Variants in BCAP29 observed in about 807,000 individuals in gnomAD.
BCAP29 encodes the protein B cell receptor associated protein 29.
In BCAP29, 34 loss-of-function variants were observed where a neutral mutation model predicts 31.8. The observed-to-expected ratio is 1.07, with a 90% CI of 0.81 to 1.42. The LOEUF is 1.42. Ranked by LOEUF, BCAP29 falls within the 40% of genes most tolerant of loss-of-function variation. The pLI is 0.00. For missense variants in BCAP29, 314 were observed against 269.2 expected (o/e 1.17, Z -1.16); for synonymous variants, 104 against 91.3 (o/e 1.14, Z -0.79).
intron 6 of BCAP29, among the ~76,000 whole-genome samples, chr7:107,607,635 C>CT (rs57817003): frequency 2.7e-3 from 358 of 132,598 alleles, no homozygotes; most frequent in South Asian, 5.1e-3. Context: ...CTTTCTTTTT[C>CT]TTTTTTTTTT....
At chr7:107,622,125 T>A, downstream of BCAP29, 1 of 398,544 alleles carries the variant, frequency 2.5e-6, no homozygotes, top group South Asian at 2.1e-5. Context: ...CAAGCCATCA[T>A]CATCTCTCAC....
chr7:107,597,286 G>C (rs1810029274), intron 5 of BCAP29, among the ~76,000 whole-genome samples: 1 of 151,598 alleles, frequency 6.6e-6, no homozygotes, highest in Admixed American at 6.6e-5. Context: ...TTCCTCCCCA[G>C]ACTGATCTCA....
Position 107,593,974 on chromosome 7 carries a change from G to T in BCAP29, c.213G>T (p.Arg71Ser). 1 of 1,611,104 alleles carries T rather than the reference G, an allele frequency of 6.2e-7. No individual in the cohort carries two copies. Among genetic ancestry groups the T allele is most frequent in the South Asian group, 1.1e-5 (1 of 90,536 alleles). The change falls in exon 4 of 8, where the codon AGG becomes AGT. Residue 71 changes from arginine (R) to serine (S), a missense_variant. Physicochemically the swap from Arg to Ser is moderately radical, Grantham distance 110 (BLOSUM62 -1). Coordinates refer to ENST00000005259, the MANE Select transcript of BCAP29 (RefSeq NM_018844.4). ...VLFLDAVREV[R>S]KYSSVHTIEK... is the part of the protein sequence containing the mutation. Reference sequence around the variant, plus strand: ...TAATAGATGCTGTGAGAGAAGTAAGGAAATATTCCTCAGTTCATACCATTG... The same window carrying T: ...TAATAGATGCTGTGAGAGAAGTAAGTAAATATTCCTCAGTTCATACCATTG...
chr7:107,604,546 T>C (rs1811729916), intron 6 of BCAP29, among the ~76,000 whole-genome samples: 1 of 152,202 alleles, frequency 6.6e-6, no homozygotes, highest in Admixed American at 6.5e-5. Context: ...AAGCATGTTT[T>C]ACAGTTGTAA....
At chr7:107,597,076 C>T (rs2129241328) in intron 5 of BCAP29, among the ~76,000 whole-genome samples, 1 of 152,292 alleles carries the variant, frequency 6.6e-6, no homozygotes, top group East Asian at 1.9e-4. Flanking sequence ...CACATAAAAG[C>T]AGCTGTCAGT....
downstream of BCAP29, chr7:107,621,689 G>T (rs1484204939): frequency 2.1e-6 from 1 of 471,986 alleles, no homozygotes; most frequent in Non-Finnish European, 4.4e-6. Context: ...CAGAGGCAGA[G>T]ATTGGAGTGA....
chr7:107,581,510 CATTT>C, intron 2 of BCAP29, among the ~76,000 whole-genome samples: 1 of 152,280 alleles, frequency 6.6e-6, no homozygotes, highest in Admixed American at 6.5e-5. Flanking sequence ...AGCAGTGGTT[CATTT>C]TACCCTTGCA....
intron 4 of BCAP29, 143 bp from the exon 5 acceptor site, chr7:107,595,724 T>G: frequency 1.2e-6 from 1 of 829,166 alleles, no homozygotes; most frequent in Non-Finnish European, 1.8e-6. Context: ...AGACTTGAAT[T>G]AAAAAAAGAA....
At chr7:107,611,176 G>A (rs1274141567) in intron 6 of BCAP29, among the ~76,000 whole-genome samples, 1 of 152,102 alleles carries the variant, frequency 6.6e-6, no homozygotes, top group African/African-American at 2.4e-5. Context: ...TCACTCCCCA[G>A]CCACGCCTCC....
chr7:107,622,126 C>G, downstream of BCAP29: 1 of 396,496 alleles, frequency 2.5e-6, no homozygotes, highest in South Asian at 2.1e-5. Context: ...AAGCCATCAT[C>G]ATCTCTCACA....
chr7:107,613,509 T>C (rs1813599718), intron 7 of BCAP29, 77 bp downstream of exon 7: 2 of 1,356,920 alleles, frequency 1.5e-6, no homozygotes, highest in African/African-American at 2.9e-5. Flanking sequence ...GGGTTATTTG[T>C]CCTTAACTAA....
rs1240263366 is a variant in BCAP29, at chr7:107,600,497, C to T, written c.581C>T (p.Thr194Ile). The T allele has an allele frequency of 6.3e-7, 1 of 1,575,288 alleles. No individual in the cohort carries two copies. The highest frequency in any genetic ancestry group is 1.4e-5 in the African/African-American group (1 of 73,844). ...QEKLKTELRK[T>I]SDALSKAQND... The stretch of plus-strand genomic sequence containing the variant: ...AAACTGAAAACTGAATTAAGGAAGA[C>T]TTCAGATGGTAACTTTGTGTACATG... Residue 194 changes from threonine to isoleucine, a missense_variant, in exon 6 of 8, where the codon ACT becomes ATT. Coordinates refer to ENST00000005259, the MANE Select transcript of BCAP29 (RefSeq NM_018844.4).
rs1213766068 is a variant in BCAP29, at chr7:107,608,482, GTT to G, written c.590-4848_590-4847del. Among the ~76,000 whole-genome samples, 65 of 150,162 alleles carry G rather than the reference GTT, an allele frequency of 4.3e-4. 1 individual carries two copies. Among genetic ancestry groups the G allele is most frequent in the Middle Eastern group, 3.5e-3 (1 of 288 alleles). On this transcript the variant is annotated intron_variant, in intron 6 of 7. Coordinates refer to ENST00000005259, the MANE Select transcript of BCAP29 (RefSeq NM_018844.4). ...TATTTGTTTGTTTGTTTGTTTGTTT[GTT>G]TGTTTCATTTTTGGAGCACTTCCTT...
At chr7:107,608,131 G>C (rs1276680697) in intron 6 of BCAP29, among the ~76,000 whole-genome samples, 1 of 150,956 alleles carries the variant, frequency 6.6e-6, no homozygotes, top group East Asian at 1.9e-4. Context: ...TTTCCATACC[G>C]TAATCTTTGT....
intron 1 of BCAP29, 114 bp downstream of exon 1, chr7:107,580,415 G>GCCCGA: frequency 4.1e-6 from 1 of 243,196 alleles, no homozygotes; most frequent in South Asian, 5.0e-5. Context: ...GCCCGGCCCG[G>GCCCGA]TCCGCGGCGC....
In BCAP29 at chr7:107,613,180, G is replaced by T. The variant is rs1813535724; in HGVS notation, c.590-152G>T. On this transcript the variant is annotated intron_variant, in intron 6 of 7. Transcript: ENST00000005259. Reference sequence around the variant, plus strand: ...ATGAGTCAAGAAAATAATAGTGTGTGTGAAGAGAGAGAATATGATAACAAA... The same window carrying T: ...ATGAGTCAAGAAAATAATAGTGTGTTTGAAGAGAGAGAATATGATAACAAA... 12 of 580,666 alleles carry T rather than the reference G, an allele frequency of 2.1e-5. No individual in the cohort carries two copies. The South Asian group carries it at 3.1e-4, about 15-fold the overall frequency. The allele number at this position is 580,666 out of a possible 1,614,324, so 36.0% of individuals were successfully genotyped here.
At chr7:107,582,117 T>C (rs1806790619) in intron 2 of BCAP29, among the ~76,000 whole-genome samples, 1 of 152,152 alleles carries the variant, frequency 6.6e-6, no homozygotes. Flanking sequence ...TCCTATATAC[T>C]CAAGAGAAAG....
chr7:107,591,945 TA>T (rs1808928487), intron 3 of BCAP29, among the ~76,000 whole-genome samples: 1 of 151,938 alleles, frequency 6.6e-6, no homozygotes, highest in Non-Finnish European at 1.5e-5. Flanking sequence ...TCTTTGTGCT[TA>T]TTTTTTTTTT....
At chr7:107,592,391 C>T (rs1809031403) in intron 3 of BCAP29, among the ~76,000 whole-genome samples, 1 of 152,134 alleles carries the variant, frequency 6.6e-6, no homozygotes, top group African/African-American at 2.4e-5. Context: ...AAAGAAATGC[C>T]ACTTTACACC....
Sources: allele counts gnomAD v4.1 joint callset (sites outside exome capture counted in the v4.1 genomes callset), GRCh38; gene constraint gnomAD v4.1.1; transcripts MANE v1.5; gene names NCBI Gene and HGNC (gene_info 2026-07-23, HGNC 2026-07-21).